GNAL: variants seen among roughly 807,000 people sequenced by gnomAD.
GNAL encodes guanine nucleotide-binding protein G(olf) subunit alpha.
Under a neutral mutation model 55.1 loss-of-function variants are expected in GNAL, and 18 were observed. The ratio of observed to expected loss-of-function variants is 0.33; its 90% CI spans 0.23 to 0.48. The LOEUF is 0.48. Ranked by LOEUF, GNAL falls within the 20% of genes least tolerant of loss-of-function variation. GNAL has a pLI of 0.99. For synonymous variants in GNAL, 253 were observed against 237.0 expected, an observed-to-expected ratio of 1.07 and a Z score of -0.62; for missense variants, 412 against 614.1, an observed-to-expected ratio of 0.67 and a Z score of 3.48.
chr18:11,745,953 C>G (rs2032678727), intron 1 of GNAL: 1 of 244,446 alleles, frequency 4.1e-6, no homozygotes, highest in Admixed American at 4.9e-5. Flanking sequence ...GATGTATTTG[C>G]AATTACTTTG....
chr18:11,838,429 G>A (rs2035543371), intron 5 of GNAL, among the ~76,000 whole-genome samples: 1 of 152,192 alleles, frequency 6.6e-6, no homozygotes, highest in African/African-American at 2.4e-5. Context: ...GCTTTAATGT[G>A]TACAGAGTTT....
At chr18:11,753,041 A>T in intron 2 of GNAL, 116 bp downstream of exon 2, 1 of 598,684 alleles carries the variant, frequency 1.7e-6, no homozygotes, top group Non-Finnish European at 3.0e-6. Context: ...TAGACATTCA[A>T]GGGGGAAAAA....
rs566692140 is a variant in GNAL at position 11,882,342 on chromosome 18, G to C, written c.*1207G>C. The C allele has an allele frequency of 2.0e-5, 3 of 152,246 alleles. No individual in the cohort carries two copies. Among genetic ancestry groups the C allele is most frequent in the South Asian group, 2.1e-4 (1 of 4,822 alleles). 9.4% of individuals were successfully genotyped at this position (152,246 alleles called of 1,614,324 possible). On this transcript the variant is annotated 3_prime_UTR_variant, in exon 12 of 12. Coordinates refer to ENST00000334049, the MANE Select transcript of GNAL (RefSeq NM_182978.4). ...TGGGAACAGGTCCATCATTCCCTTA[G>C]TCAAAACTTTGGACACAGGCTACGT...
At chr18:11,743,315 A>C (rs2032618952) in intron 1 of GNAL, among the ~76,000 whole-genome samples, 1 of 78,790 alleles carries the variant, frequency 1.3e-5, no homozygotes, top group Non-Finnish European at 3.0e-5. Flanking sequence ...TCACTAATAC[A>C]AAAAAAAAAA....
chr18:11,827,098 C>T (rs1415768271), intron 5 of GNAL, among the ~76,000 whole-genome samples: 4 of 152,152 alleles, frequency 2.6e-5, no homozygotes, highest in Non-Finnish European at 5.9e-5. Context: ...TAAGATTGTA[C>T]TTAACCTCCT....
chr18:11,869,780 G>A (rs11664122), intron 9 of GNAL, among the ~76,000 whole-genome samples: 7,190 of 152,116 alleles, frequency 0.047, 253 homozygotes, highest in Non-Finnish European at 0.072. Context: ...ATGGTGGGGC[G>A]CGCTTGTAGT....
At chr18:11,794,441 C>A (rs1458873980) in intron 4 of GNAL, among the ~76,000 whole-genome samples, 1 of 152,140 alleles carries the variant, frequency 6.6e-6, no homozygotes, top group African/African-American at 2.4e-5. Flanking sequence ...CATGGATGAA[C>A]CTTGAAAACA....
rs941293877 is a variant in GNAL at position 11,751,658 on chromosome 18, C to G, written c.377-1195C>G. 26 of 985,316 alleles carry G rather than the reference C, an allele frequency of 2.6e-5. No individual in the cohort carries two copies. The highest frequency in any genetic ancestry group is 1.8e-4 in the Admixed American group (3 of 16,272). 61.0% of individuals were successfully genotyped at this position (985,316 alleles called of 1,614,324 possible). ...TCGGGGTGCAAGAGAGCCAGGCGGC[C>G]GCGGCGCAGCGGAGGGGCTGCGGGC... On this transcript the variant is annotated intron_variant, in intron 1 of 11. Coordinates refer to ENST00000334049, the MANE Select transcript of GNAL (RefSeq NM_182978.4). This position sits in a 1 kb window ranked among gnomAD's most constrained non-coding sequence, Gnocchi z 4.5.
chr18:11,719,356 C>A (rs925635537), intron 1 of GNAL, among the ~76,000 whole-genome samples: 1 of 151,884 alleles, frequency 6.6e-6, no homozygotes, highest in Non-Finnish European at 1.5e-5. Flanking sequence ...AGATGTATTG[C>A]AAAACAGTCA....
At chr18:11,842,015 C>A (rs2035625963) in intron 5 of GNAL, among the ~76,000 whole-genome samples, 1 of 151,838 alleles carries the variant, frequency 6.6e-6, no homozygotes, top group Non-Finnish European at 1.5e-5. Flanking sequence ...TGTTGTTGCC[C>A]AGGCTGAAGT....
chr18:11,750,771 G>A (rs1013052997), intron 1 of GNAL, among the ~76,000 whole-genome samples: 1 of 152,180 alleles, frequency 6.6e-6, no homozygotes, highest in Non-Finnish European at 1.5e-5. Flanking sequence ...CTTGGCTGCG[G>A]TGGGCAGGAG....
At chr18:11,743,200 G>A (rs78566351) in intron 1 of GNAL, among the ~76,000 whole-genome samples, 177 of 152,084 alleles carry the variant, frequency 1.2e-3, no homozygotes, top group African/African-American at 4.0e-3. Context: ...TAGCCTAGGG[G>A]CCACATGAGA....
chr18:11,848,963 T>C (rs1265936941), intron 5 of GNAL, among the ~76,000 whole-genome samples: 1 of 152,252 alleles, frequency 6.6e-6, no homozygotes, highest in African/African-American at 2.4e-5. Context: ...ACTTACCTAA[T>C]GTGTGGGTTC....
intron 4 of GNAL, among the ~76,000 whole-genome samples, chr18:11,768,989 A>G (rs1460304358): frequency 8.9e-6 from 1 of 112,872 alleles, no homozygotes; most frequent in Non-Finnish European, 1.6e-5. Flanking sequence ...TATATATTCT[A>G]TATTATAATA....
chr18:11,767,736 C>T (rs2033457723), intron 4 of GNAL, among the ~76,000 whole-genome samples: 1 of 152,172 alleles, frequency 6.6e-6, no homozygotes, highest in Non-Finnish European at 1.5e-5. Flanking sequence ...GCTTACACTT[C>T]CATGCTTGCT....
At position 11,750,998 on chromosome 18, in the gene GNAL, G is replaced by C. The variant is rs141597499; in HGVS notation, c.377-1855G>C. On this transcript the variant is annotated intron_variant, in intron 1 of 11. Coordinates refer to ENST00000334049, the MANE Select transcript of GNAL (RefSeq NM_182978.4). The stretch of plus-strand genomic sequence containing the variant: ...GGGAAGCGCCGCCTGGGGAGCCGGG[G>C]CGGGCTGGGGTCTGTTCTCCTGAAG... Among the ~76,000 whole-genome samples the C allele has an allele frequency of 3.4e-3, 515 of 152,232 alleles. 7 individuals are homozygous for C. Among genetic ancestry groups the C allele is most frequent in the African/African-American group, 0.012 (494 of 41,528 alleles).
intron 1 of GNAL, among the ~76,000 whole-genome samples, chr18:11,733,170 A>G (rs1240610337): frequency 1.3e-5 from 2 of 152,206 alleles, no homozygotes; most frequent in East Asian, 3.9e-4. Flanking sequence ...CTGGCGAGGG[A>G]AAGGCTCCTG....
chr18:11,842,630 A>G (rs1371691378), intron 5 of GNAL, among the ~76,000 whole-genome samples: 2 of 152,024 alleles, frequency 1.3e-5, no homozygotes, highest in African/African-American at 4.8e-5. Context: ...AAAGTTTACA[A>G]TAGGGTTCGT....
At chr18:11,859,411 C>T (rs1427106296) in intron 5 of GNAL, among the ~76,000 whole-genome samples, 1 of 152,152 alleles carries the variant, frequency 6.6e-6, no homozygotes, top group East Asian at 1.9e-4. Flanking sequence ...GTGTGTCCTT[C>T]CACCACGCTC....
Sources: allele counts gnomAD v4.1 joint callset (sites outside exome capture counted in the v4.1 genomes callset), GRCh38; gene constraint gnomAD v4.1.1; non-coding constraint Gnocchi (gnomAD v3.1); transcripts MANE v1.5; gene names NCBI Gene and HGNC (gene_info 2026-07-23, HGNC 2026-07-21).